The following TENM4 variants were observed in gnomAD, a reference collection of about 807,000 sequenced individuals.
The protein encoded by TENM4 is teneurin-4.
Under a neutral mutation model 243.3 loss-of-function variants are expected in TENM4, and 82 were observed. The observed-to-expected ratio is 0.34, with a 90% confidence interval of 0.28 to 0.40. TENM4 has a LOEUF of 0.40. TENM4 is among the 10% of genes least tolerant of loss of function. The pLI is 1.00. For missense variants in TENM4, 3,138 were observed against 3,673.3 expected (o/e 0.85, Z 3.77); for synonymous variants, 1,412 against 1,456.3 (o/e 0.97, Z 0.69).
At chr11:78,776,882 C>T (rs1289563083) in intron 17 of TENM4, among the ~76,000 whole-genome samples, 3 of 151,786 alleles carry the variant, frequency 2.0e-5, no homozygotes, top group Non-Finnish European at 2.9e-5. Flanking sequence ...TGGACATTCT[C>T]GGTGACTTAT....
intron 9 of TENM4, among the ~76,000 whole-genome samples, chr11:78,874,704 T>A (rs1859222019): frequency 1.3e-5 from 2 of 152,238 alleles, no homozygotes; most frequent in South Asian, 4.1e-4. Flanking sequence ...ATCAAGTGTG[T>A]GCTTATATAC....
intron 4 of TENM4, among the ~76,000 whole-genome samples, chr11:79,098,898 A>G (rs930730169): frequency 3.3e-5 from 5 of 152,232 alleles, no homozygotes; most frequent in East Asian, 3.8e-4. Context: ...AAATGAGTCA[A>G]CTTCTCTGAC....
chr11:78,784,525 T>G (rs1217271151), intron 16 of TENM4, among the ~76,000 whole-genome samples: 1 of 152,128 alleles, frequency 6.6e-6, no homozygotes, highest in Non-Finnish European at 1.5e-5. Flanking sequence ...CACCACACAA[T>G]GAGAGGTATT....
At chr11:78,938,931 GC>G (rs1320166624) in intron 6 of TENM4, among the ~76,000 whole-genome samples, 1 of 152,126 alleles carries the variant, frequency 6.6e-6, no homozygotes, top group Non-Finnish European at 1.5e-5. Flanking sequence ...GACTAACGAA[GC>G]CCAGAAATTG....
At chr11:79,290,093 G>T (rs1856329156) in intron 2 of TENM4, among the ~76,000 whole-genome samples, 1 of 152,042 alleles carries the variant, frequency 6.6e-6, no homozygotes, top group Non-Finnish European at 1.5e-5. Context: ...ACTGCTCCCA[G>T]CAGTTTCTAC....
chr11:78,956,556 G>T (rs1857210214), intron 6 of TENM4, among the ~76,000 whole-genome samples: 1 of 152,132 alleles, frequency 6.6e-6, no homozygotes, highest in Non-Finnish European at 1.5e-5. Context: ...GGAGCTTCCT[G>T]GTCAGCAACT....
chr11:78,819,596 C>A (rs189868393), intron 12 of TENM4, among the ~76,000 whole-genome samples: 1 of 152,124 alleles, frequency 6.6e-6, no homozygotes, highest in African/African-American at 2.4e-5. Context: ...CCTCTGTGGA[C>A]GTGCGAGCTT....
intron 1 of TENM4, among the ~76,000 whole-genome samples, chr11:79,332,855 G>A (rs1167503543): frequency 3.3e-5 from 5 of 152,088 alleles, no homozygotes; most frequent in Non-Finnish European, 5.9e-5. Context: ...TCCTATGAGA[G>A]CAATGTGAAT....
chr11:78,813,028 G>C (rs932046417), intron 13 of TENM4, among the ~76,000 whole-genome samples: 3 of 152,136 alleles, frequency 2.0e-5, no homozygotes, highest in African/African-American at 7.2e-5. Flanking sequence ...CATATGGGAC[G>C]AGACGGTAAT....
chr11:79,245,938 T>TAAAA (rs1199883938), intron 2 of TENM4, among the ~76,000 whole-genome samples: 35 of 64,816 alleles, frequency 5.4e-4, no homozygotes, highest in African/African-American at 1.2e-3. Context: ...AGACTTTGTC[T>TAAAA]AAAAAAAAAA....
intron 27 of TENM4, among the ~76,000 whole-genome samples, chr11:78,703,894 C>G (rs911424520): frequency 6.6e-6 from 1 of 151,118 alleles, no homozygotes; most frequent in African/African-American, 2.4e-5. Flanking sequence ...CTCTGTCACC[C>G]GGGCTGGAGT....
At chr11:79,421,705 TA>T (rs761710897) in intron 1 of TENM4, among the ~76,000 whole-genome samples, 12,503 of 136,844 alleles carry the variant, frequency 0.091, 526 homozygotes, top group East Asian at 0.12. Flanking sequence ...GCTCTGAAAT[TA>T]AAAAAAAAAA....
Position 79,008,034 on chromosome 11 carries a change from G to A in TENM4, c.493+56704C>T, listed in dbSNP as rs190757565. Among the ~76,000 whole-genome samples, 24 of 152,246 alleles carry A rather than the reference G, an allele frequency of 1.6e-4. No homozygotes were observed. The East Asian group carries it at 2.1e-3, about 14-fold the overall frequency. ...CAGTGAATGGGATTTTTATGAGGCC[G>A]CTGGAATCAGTCTTGCATGCAGGGT... On this transcript the variant is annotated intron_variant, in intron 6 of 33. Transcript: ENST00000278550.
intron 4 of TENM4, among the ~76,000 whole-genome samples, chr11:79,122,243 A>G (rs181662274): frequency 1.2e-3 from 179 of 152,306 alleles, no homozygotes; most frequent in Admixed American, 4.1e-3. Flanking sequence ...TAAGGAAGGA[A>G]GGAGGGAAAG....
chr11:79,326,332 C>T (rs1051753493), intron 1 of TENM4, among the ~76,000 whole-genome samples: 1 of 152,164 alleles, frequency 6.6e-6, no homozygotes, highest in Non-Finnish European at 1.5e-5. Flanking sequence ...AACTCAATGA[C>T]CTTTCCTACA....
chr11:79,335,916 A>G lies in TENM4; in HGVS notation c.-320-38373T>C, dbSNP rs145116452. ...TGGGATGAGCTCTTACAGACAGCAG[A>G]CCGCTCCCTCCCTTTCAAGTGGGCC... On this transcript the variant is annotated intron_variant, in intron 1 of 33. Coordinates refer to ENST00000278550, the MANE Select transcript of TENM4 (RefSeq NM_001098816.3). 1.7e-4 allele frequency among the ~76,000 whole-genome samples: 26 copies of G among 152,224 alleles called. No homozygotes were observed. The East Asian group carries it at 5.0e-3, about 29-fold the overall frequency.
intron 12 of TENM4, among the ~76,000 whole-genome samples, chr11:78,817,814 T>A (rs1337762482): frequency 6.6e-6 from 1 of 152,130 alleles, no homozygotes. Context: ...CTTGGCCATG[T>A]CACATGATCT....
chr11:79,044,537 G>T (rs1859613732), intron 6 of TENM4, among the ~76,000 whole-genome samples: 3 of 152,206 alleles, frequency 2.0e-5, no homozygotes, highest in Non-Finnish European at 4.4e-5. Flanking sequence ...CATGGTTTCT[G>T]CAACCTCTAG....
chr11:78,683,701 C>G (rs573012300), intron 29 of TENM4, among the ~76,000 whole-genome samples: 4 of 148,784 alleles, frequency 2.7e-5, no homozygotes, highest in Admixed American at 6.7e-5. Flanking sequence ...GAGATGAACC[C>G]GGTACCTCAG....
Sources: gnomAD v4.1 joint callset for allele counts (sites outside exome capture counted in the v4.1 genomes callset) on GRCh38, gnomAD v4.1.1 for gene constraint, MANE v1.5 for transcripts, NCBI Gene and HGNC (gene_info 2026-07-23, HGNC 2026-07-21) for gene names.